Variants in CACNA1E observed in about 807,000 individuals in gnomAD.
CACNA1E encodes voltage-dependent R-type calcium channel subunit alpha-1E.
CACNA1E carries 40 observed loss-of-function variants against 259.2 expected under a neutral mutation model. That is an observed-to-expected ratio of 0.15 (90% CI 0.12 to 0.20). CACNA1E has a LOEUF of 0.20. CACNA1E is among the 10% of genes least tolerant of loss of function. The pLI is 1.00. For missense variants in CACNA1E, 1,874 were observed against 3,040.1 expected, an observed-to-expected ratio of 0.62 and a Z score of 9.02; for synonymous variants, 1,104 against 1,138.5, an observed-to-expected ratio of 0.97 and a Z score of 0.61.
intron 3 of CACNA1E, among the ~76,000 whole-genome samples, chr1:181,537,297 C>T (rs574040807): frequency 9.6e-4 from 146 of 151,938 alleles, no homozygotes; most frequent in Non-Finnish European, 1.9e-3. Flanking sequence ...CAGGGTTTCA[C>T]CTTGTTGGCC....
intron 3 of CACNA1E, among the ~76,000 whole-genome samples, chr1:181,533,140 A>G (rs896463355): frequency 2.6e-5 from 4 of 152,028 alleles, no homozygotes; most frequent in Non-Finnish European, 4.4e-5. Flanking sequence ...TAGGGAATCG[A>G]GACAGAGACA....
chr1:181,671,596 TTCTA>T, intron 7 of CACNA1E, among the ~76,000 whole-genome samples: 1 of 152,190 alleles, frequency 6.6e-6, no homozygotes, highest in African/African-American at 2.4e-5. Context: ...CCCCGTGTGA[TTCTA>T]TGGATATGCT....
intron 6 of CACNA1E, among the ~76,000 whole-genome samples, chr1:181,625,927 G>A (rs1572413799): frequency 6.6e-6 from 1 of 152,078 alleles, no homozygotes; most frequent in Non-Finnish European, 1.5e-5. Context: ...AACACTTAGA[G>A]GCCATTTTAG....
chr1:181,678,295 A>G (rs1239571227), intron 7 of CACNA1E, among the ~76,000 whole-genome samples: 2 of 152,166 alleles, frequency 1.3e-5, no homozygotes, highest in East Asian at 3.8e-4. Context: ...TTGAGATTGG[A>G]TATCAGGATG....
chr1:181,579,683 G>A (rs1264472013), intron 5 of CACNA1E, among the ~76,000 whole-genome samples: 1 of 152,140 alleles, frequency 6.6e-6, no homozygotes, highest in Admixed American at 6.5e-5. Flanking sequence ...CTGAATATCT[G>A]AATCAATACC....
intron 1 of CACNA1E, among the ~76,000 whole-genome samples, chr1:181,383,645 G>T (rs1329137727): frequency 2.0e-5 from 3 of 152,156 alleles, no homozygotes; most frequent in Non-Finnish European, 4.4e-5. Flanking sequence ...GAACTCAGTT[G>T]GGAAATTAGG....
chr1:181,575,011 C>G (rs934405576), intron 3 of CACNA1E, among the ~76,000 whole-genome samples: 1 of 128,064 alleles, frequency 7.8e-6, no homozygotes, highest in Non-Finnish European at 1.7e-5. Flanking sequence ...GATGACAGAG[C>G]AAGACTCTGT....
intron 7 of CACNA1E, among the ~76,000 whole-genome samples, chr1:181,658,299 T>C (rs1659372351): frequency 6.6e-6 from 1 of 152,228 alleles, no homozygotes; most frequent in African/African-American, 2.4e-5. Context: ...TTCATTCTCT[T>C]ACGTCTTTCT....
At chr1:181,702,775 C>T (rs931723757) in intron 7 of CACNA1E, among the ~76,000 whole-genome samples, 7 of 152,210 alleles carry the variant, frequency 4.6e-5, no homozygotes, top group Admixed American at 2.6e-4. Flanking sequence ...TTCCTCAAGC[C>T]ACCTCAGTGA....
intron 2 of CACNA1E, among the ~76,000 whole-genome samples, chr1:181,468,730 C>T (rs2102402954): frequency 6.6e-6 from 1 of 152,172 alleles, no homozygotes; most frequent in South Asian, 2.1e-4. Flanking sequence ...AGGGAGGTAG[C>T]ATATGGGCTG....
chr1:181,587,888 A>AG (rs1652242048), intron 6 of CACNA1E, among the ~76,000 whole-genome samples: 2 of 152,220 alleles, frequency 1.3e-5, no homozygotes, highest in Non-Finnish European at 1.5e-5. Context: ...GTCTCAAGAA[A>AG]AAAAGAAAGA....
chr1:181,325,535 G>A (rs1247282369), intron 1 of CACNA1E, among the ~76,000 whole-genome samples: 1 of 152,220 alleles, frequency 6.6e-6, no homozygotes, highest in East Asian at 1.9e-4. Flanking sequence ...TCTAGGGGCG[G>A]GGCCAAGCCC....
At chr1:181,616,188 A>G (rs1655189911) in intron 6 of CACNA1E, among the ~76,000 whole-genome samples, 1 of 152,320 alleles carries the variant, frequency 6.6e-6, no homozygotes, top group South Asian at 2.1e-4. Context: ...TGAAGTTTTG[A>G]TATTAAGGTT....
At chr1:181,695,343 C>T (rs1651591114) in intron 7 of CACNA1E, among the ~76,000 whole-genome samples, 2 of 152,102 alleles carry the variant, frequency 1.3e-5, no homozygotes, top group Admixed American at 1.3e-4. Context: ...CATCAAAATT[C>T]TAGCAGGTTA....
chr1:181,357,492 C>T (rs770208676), intron 1 of CACNA1E, among the ~76,000 whole-genome samples: 2 of 151,884 alleles, frequency 1.3e-5, no homozygotes, highest in Non-Finnish European at 2.9e-5. Flanking sequence ...AGTGAGCAGA[C>T]TCCTGTTCTT....
At chr1:181,427,051 C>T (rs1340630684) in intron 2 of CACNA1E, among the ~76,000 whole-genome samples, 1 of 151,390 alleles carries the variant, frequency 6.6e-6, no homozygotes, top group African/African-American at 2.4e-5. Flanking sequence ...TCAACCCCTT[C>T]ACAACTCAAC....
intron 3 of CACNA1E, among the ~76,000 whole-genome samples, chr1:181,555,473 C>T (rs1648623033): frequency 6.6e-6 from 1 of 152,106 alleles, no homozygotes; most frequent in Non-Finnish European, 1.5e-5. Context: ...TTCTTTCCAC[C>T]CTCCCCCAGC....
chr1:181,608,200 A>G (rs930677765), intron 6 of CACNA1E, among the ~76,000 whole-genome samples: 2 of 152,100 alleles, frequency 1.3e-5, no homozygotes, highest in African/African-American at 4.8e-5. Flanking sequence ...AGAAGGGTGG[A>G]AAGTAGGTGA....
chr1:181,585,600 G>A (rs939654050), intron 6 of CACNA1E, among the ~76,000 whole-genome samples: 1 of 152,194 alleles, frequency 6.6e-6, no homozygotes, highest in African/African-American at 2.4e-5. Context: ...AGAGAACTTG[G>A]TTGCAATTTT....
Sources: allele counts gnomAD v4.1 joint callset (sites outside exome capture counted in the v4.1 genomes callset), GRCh38; gene constraint gnomAD v4.1.1; transcripts MANE v1.5; gene names NCBI Gene and HGNC (gene_info 2026-07-23, HGNC 2026-07-21).